CCDC15: variants seen among roughly 807,000 people sequenced by gnomAD.
The protein encoded by CCDC15 is coiled-coil domain-containing protein 15.
CCDC15 carries 105 observed loss-of-function variants against 114.5 expected under a neutral mutation model. That is an observed-to-expected ratio of 0.92 (90% CI 0.78 to 1.08). CCDC15 has a LOEUF of 1.08. Among genes scored for constraint, CCDC15 ranks in the 50% least tolerant of loss-of-function variants. CCDC15 has a pLI of 0.00. For missense variants in CCDC15, 1,105 were observed against 1,093.6 expected, an observed-to-expected ratio of 1.01 and a Z score of -0.15; for synonymous variants, 334 against 377.8, an observed-to-expected ratio of 0.88 and a Z score of 1.34.
intron 13 of CCDC15, among the ~76,000 whole-genome samples, chr11:125,017,574 TAATG>T (rs1001963583): frequency 2.6e-5 from 4 of 152,148 alleles, no homozygotes; most frequent in African/African-American, 9.6e-5. Context: ...CTGATGACGA[TAATG>T]AACACCTATG....
At chr11:125,031,247 G>T (rs1006188917) in intron 13 of CCDC15, among the ~76,000 whole-genome samples, 1 of 152,190 alleles carries the variant, frequency 6.6e-6, no homozygotes, top group African/African-American at 2.4e-5. Flanking sequence ...CCTGCATATC[G>T]TGCAGAACCA....
chr11:124,982,547 G>A (rs2135472965), intron 6 of CCDC15, among the ~76,000 whole-genome samples: 1 of 152,232 alleles, frequency 6.6e-6, no homozygotes, highest in Non-Finnish European at 1.5e-5. Flanking sequence ...CACTTATGAA[G>A]CTTAGTGTGG....
chr11:124,978,788 G>A (rs1332832338), intron 6 of CCDC15, among the ~76,000 whole-genome samples: 1 of 150,398 alleles, frequency 6.6e-6, no homozygotes, highest in African/African-American at 2.4e-5. Context: ...CTGTGCAGAA[G>A]CTCTTCAGTT....
intron 13 of CCDC15, among the ~76,000 whole-genome samples, chr11:125,035,199 G>C (rs1032261971): frequency 6.6e-6 from 1 of 152,050 alleles, no homozygotes; most frequent in South Asian, 2.1e-4. Context: ...TCAGATTAAG[G>C]GTGGGTCTGC....
rs1948289455 is a variant in CCDC15 at position 124,992,599 on chromosome 11, G to A, written c.2051G>A (p.Arg684Lys). The part of the protein sequence containing the change: ...IKNQQPASFM[R>K]EERVREELPL... The stretch of plus-strand genomic sequence containing the variant: ...CTCAAGCAACCTGCATCTTTTATGA[G>A]AGAAGAAAGAGTGAGAGAAGAATTG... Residue 684 changes from arginine (R) to lysine (K), a missense_variant, in exon 10 of 16, where the codon AGA becomes AAA. Arg to Lys is a conservative substitution (Grantham distance 26). Transcript: ENST00000344762. 1 of 1,596,126 alleles carries A rather than the reference G, an allele frequency of 6.3e-7. No individual in the cohort carries two copies.
In CCDC15 at chr11:124,988,008, T is replaced by C. The variant is rs758443949; in HGVS notation, c.1782T>C (p.Pro594=). 2 of 1,613,396 alleles carry C rather than the reference T, an allele frequency of 1.2e-6. No individual in the cohort carries two copies. Among genetic ancestry groups the C allele is most frequent in the African/African-American group, 1.3e-5 (1 of 74,888 alleles). Residue 594 remains proline, a synonymous_variant, in exon 8 of 16, where the codon CCT becomes CCC. Transcript: ENST00000344762. ...TACCCAGAGACCAAGGTTATCTTCC[T>C]AAAGACCAAAATATTCTACCCATAT... is the stretch of plus-strand genomic sequence containing the variant. The part of the protein sequence containing the change: ...DFLPRDQGYL[P]KDQNILPICQ...
chr11:125,038,567 A>G lies in CCDC15; in HGVS notation c.2548A>G (p.Thr850Ala), dbSNP rs1948792336. 1.3e-6 allele frequency: 2 copies of G among 1,576,416 alleles called. No individual in the cohort carries two copies. Among genetic ancestry groups the G allele is most frequent in the Non-Finnish European group, 8.6e-7 (1 of 1,163,998 alleles). Reference protein sequence around the residue: ...AQLQLQEIKGTREKQQREKEY... With the variant: ...AQLQLQEIKGAREKQQREKEY... ...GTTACAACTTCAAGAAATAAAAGGA[A>G]CCAGAGAAAAACAACAGAGAGAAAA... The change falls in exon 14 of 16, where the codon ACC becomes GCC. Residue 850 changes from threonine (T) to alanine (A), a missense_variant. Coordinates refer to ENST00000344762, the MANE Select transcript of CCDC15 (RefSeq NM_025004.3).
intron 4 of CCDC15, among the ~76,000 whole-genome samples, chr11:124,968,717 A>G (rs1348508269): frequency 7.0e-6 from 1 of 142,966 alleles, no homozygotes; most frequent in Non-Finnish European, 1.5e-5. Flanking sequence ...GAAATGCAGA[A>G]ATCTACCTGT....
rs1351017818 is a variant in CCDC15, at chr11:124,979,836, G to T, written c.753+2236G>T. Among the ~76,000 whole-genome samples the T allele has an allele frequency of 2.6e-5, 4 of 152,096 alleles. No homozygotes were observed. The East Asian group carries it at 5.8e-4, about 22-fold the overall frequency. ...AGGAATGATGAGAGAGGACATCTTT[G>T]TCTTGTTCTGGTTTTCAAGGGGAAT... On this transcript the variant is annotated intron_variant, in intron 6 of 15. Transcript: ENST00000344762.
Position 124,959,193 on chromosome 11 carries a change from CAAGTT to C in CCDC15, c.259_263del (p.Val87IlefsTer8). On this transcript the variant is annotated frameshift_variant, in exon 3 of 16. Transcript: ENST00000344762. LOFTEE classifies it high-confidence loss of function. ...AGAAGCTTTGAAACATTTTCAGAAA[CAAGTT>C]AAATACCGAGTAAATCAACAAATTA... 1 of 1,590,676 alleles carries C rather than the reference CAAGTT, an allele frequency of 6.3e-7. No homozygotes were observed. The highest frequency in any genetic ancestry group is 2.3e-5 in the East Asian group (1 of 44,226).
chr11:124,954,633 C>T (rs1193267861), intron 1 of CCDC15, 91 bp from the exon 2 acceptor site: 6 of 1,129,984 alleles, frequency 5.3e-6, no homozygotes, highest in Non-Finnish European at 7.7e-6. Context: ...GGGCTTCTCT[C>T]CTTTTCACGG....
intron 11 of CCDC15, among the ~76,000 whole-genome samples, chr11:124,995,736 A>G (rs948670043): frequency 6.6e-6 from 1 of 152,100 alleles, no homozygotes; most frequent in African/African-American, 2.4e-5. Context: ...CTTACTCTGG[A>G]CTATTCAATT....
At chr11:124,974,829 A>C (rs182259009) in intron 4 of CCDC15, among the ~76,000 whole-genome samples, 6 of 152,348 alleles carry the variant, frequency 3.9e-5, no homozygotes, top group Admixed American at 2.6e-4. Context: ...TTTTGTGTAC[A>C]TGCTTTATAT....
chr11:124,996,715 C>G lies in CCDC15; in HGVS notation c.2214+3472C>G, dbSNP rs1230079454. ...AAACAGTAATTTCTCAGTCTCTTCT[C>G]CCCATGTCCCTGGCAACCACCATTC... On this transcript the variant is annotated intron_variant, in intron 11 of 15. Transcript: ENST00000344762. 4.6e-5 allele frequency among the ~76,000 whole-genome samples: 7 copies of G among 152,288 alleles called. No individual in the cohort carries two copies. In the East Asian group the frequency reaches 1.4e-3, roughly 29 times the overall value.
intron 13 of CCDC15, among the ~76,000 whole-genome samples, chr11:125,019,911 G>A (rs896101809): frequency 2.8e-5 from 4 of 143,564 alleles, no homozygotes; most frequent in East Asian, 4.1e-4. Flanking sequence ...CATAGGATAC[G>A]TAATCAAATC....
chr11:124,970,422 T>C (rs1440169684), intron 4 of CCDC15, among the ~76,000 whole-genome samples: 1 of 152,212 alleles, frequency 6.6e-6, no homozygotes, highest in Non-Finnish European at 1.5e-5. Context: ...TCATGTGAGT[T>C]CAACTTTTAA....
chr11:124,959,076 C>T (rs1023167683), intron 2 of CCDC15, 39 bp from the exon 3 acceptor site: 3 of 1,456,842 alleles, frequency 2.1e-6, no homozygotes, highest in African/African-American at 2.9e-5. Flanking sequence ...GACAAAACTG[C>T]TAACATTTAA....
intron 4 of CCDC15, among the ~76,000 whole-genome samples, chr11:124,970,023 T>A (rs1384860683): frequency 6.6e-6 from 1 of 152,210 alleles, no homozygotes; most frequent in Admixed American, 6.5e-5. Context: ...CATGGGACTT[T>A]TCAGTGCTAA....
intron 13 of CCDC15, among the ~76,000 whole-genome samples, chr11:125,025,477 G>T (rs1948695100): frequency 6.6e-6 from 1 of 151,902 alleles, no homozygotes; most frequent in African/African-American, 2.4e-5. Flanking sequence ...TTTATTGAAT[G>T]AATTTATGTT....
Sources: gnomAD v4.1 joint callset for allele counts (sites outside exome capture counted in the v4.1 genomes callset) on GRCh38, gnomAD v4.1.1 for gene constraint, MANE v1.5 for transcripts, NCBI Gene and HGNC (gene_info 2026-07-23, HGNC 2026-07-21) for gene names.